Variants in ABAT observed in about 807,000 individuals in gnomAD.
ABAT encodes 4-aminobutyrate aminotransferase.
In ABAT, 45 loss-of-function variants were observed where a neutral mutation model predicts 64.6. That is an observed-to-expected ratio of 0.70 (90% CI 0.55 to 0.89). The LOEUF is 0.89. ABAT is among the 40% of genes least tolerant of loss of function. The pLI, the probability that ABAT is intolerant of heterozygous loss-of-function variation, is 0.00. For missense variants in ABAT, 633 were observed against 658.4 expected (o/e 0.96, Z 0.42); for synonymous variants, 297 against 250.5 (o/e 1.19, Z -1.75).
chr16:8,727,267 C>G (rs2058586459), intron 1 of ABAT, among the ~76,000 whole-genome samples: 1 of 152,128 alleles, frequency 6.6e-6, no homozygotes, highest in Non-Finnish European at 1.5e-5. Context: ...CAAGATCAGC[C>G]TAGAAATTGT....
chr16:8,745,124 A>G (rs974964834), intron 2 of ABAT, among the ~76,000 whole-genome samples: 3 of 152,072 alleles, frequency 2.0e-5, no homozygotes, highest in African/African-American at 7.2e-5. Flanking sequence ...CTGGAACTAA[A>G]GGCATGTACC....
At chr16:8,747,554 A>C (rs1014917032) in intron 3 of ABAT, among the ~76,000 whole-genome samples, 3 of 152,188 alleles carry the variant, frequency 2.0e-5, no homozygotes, top group African/African-American at 4.8e-5. Flanking sequence ...TATTGGAAAT[A>C]TATAATTTTA....
At position 8,776,481 on chromosome 16, in the gene ABAT, G is replaced by T; in HGVS notation, c.1260G>T (p.Leu420=). The change falls in exon 14 of 16, where the codon CTG becomes CTT. Residue 420 remains leucine (L), a synonymous_variant. Transcript: ENST00000268251. The surrounding 1 kb of genome is among the most constrained non-coding windows in gnomAD (Gnocchi z 4.4). ...GGAAGGCCCTGCTCACAGGACTGCT[G>T]GACCTCCAGGTAACACCCCCTCCCC... The part of the protein sequence containing the change: ...HAGKALLTGL[L]DLQARYPQFI... 2 of 1,613,556 alleles carry T rather than the reference G, an allele frequency of 1.2e-6. No homozygotes were observed. The highest frequency in any genetic ancestry group is 2.2e-5 in the South Asian group (2 of 90,948).
At chr16:8,686,121 T>TCCTGCTCCGTG (rs1329465941) in intron 1 of ABAT, among the ~76,000 whole-genome samples, 184 of 152,356 alleles carry the variant, frequency 1.2e-3, no homozygotes, top group African/African-American at 4.2e-3. Flanking sequence ...AGGACAGGGC[T>TCCTGCTCCGTG]GTTTTGTGCA....
At chr16:8,750,850 A>T (rs1252376908) in intron 5 of ABAT, among the ~76,000 whole-genome samples, 1 of 151,410 alleles carries the variant, frequency 6.6e-6, no homozygotes, top group Non-Finnish European at 1.5e-5. Flanking sequence ...TAGAATGCAA[A>T]CCCATCTGTG....
At chr16:8,679,763 G>T (rs2057289361) in intron 1 of ABAT, among the ~76,000 whole-genome samples, 1 of 152,014 alleles carries the variant, frequency 6.6e-6, no homozygotes, top group Non-Finnish European at 1.5e-5. Context: ...ATGCTTAGCA[G>T]GCTGAATCAG....
At position 8,764,168 on chromosome 16, in the gene ABAT, A is replaced by G. The variant is rs2059877314; in HGVS notation, c.447+19A>G. ...GCTCTCGGTGAGTTCTGGAGAAGCA[A>G]TCCCATTGTCTTCAGACGTGGTACT... On this transcript the variant is annotated intron_variant, in intron 7 of 15. Coordinates refer to ENST00000268251, the MANE Select transcript of ABAT (RefSeq NM_020686.6). The surrounding 1 kb of genome is among the most constrained non-coding windows in gnomAD (Gnocchi z 4.2). 1.2e-6 allele frequency: 2 copies of G among 1,606,004 alleles called. No individual in the cohort carries two copies. The highest frequency in any genetic ancestry group is 3.3e-5 in the Admixed American group (2 of 59,974).
At chr16:8,778,551 G>C (rs2060334193) in intron 14 of ABAT, among the ~76,000 whole-genome samples, 1 of 152,154 alleles carries the variant, frequency 6.6e-6, no homozygotes, top group Admixed American at 6.6e-5. Flanking sequence ...AAGGCAGGTG[G>C]ATCACTTGAG....
intron 1 of ABAT, among the ~76,000 whole-genome samples, chr16:8,690,904 T>C (rs1273356): frequency 0.11 from 16,881 of 152,184 alleles, 1,030 homozygotes; most frequent in Middle Eastern, 0.17. Context: ...GCTGTGTTCT[T>C]TGTGGGTTTT....
intron 1 of ABAT, among the ~76,000 whole-genome samples, chr16:8,717,781 A>G (rs974561532): frequency 1.3e-5 from 2 of 152,198 alleles, no homozygotes; most frequent in Non-Finnish European, 2.9e-5. Context: ...TGGAATCAGA[A>G]GGACTAATTT....
At chr16:8,751,272 A>G (rs2059473556) in intron 5 of ABAT, among the ~76,000 whole-genome samples, 1 of 151,438 alleles carries the variant, frequency 6.6e-6, no homozygotes, top group African/African-American at 2.4e-5. Context: ...TTTTGTAGAG[A>G]TGGTGGTCTC....
chr16:8,773,807 T>G (rs1263189350), intron 12 of ABAT, among the ~76,000 whole-genome samples: 4 of 152,256 alleles, frequency 2.6e-5, no homozygotes, highest in Non-Finnish European at 5.9e-5. Context: ...CATGCAATAT[T>G]TGTGTATGTG....
rs2059876768 is a variant in ABAT, at chr16:8,764,154, G to C, written c.447+5G>C. On this transcript the variant is annotated splice_donor_5th_base_variant and intron_variant, in intron 7 of 15. Transcript: ENST00000268251. The surrounding 1 kb of genome is among the most constrained non-coding windows in gnomAD (Gnocchi z 4.2). Reference sequence around the variant, plus strand: ...CTCCGGCAGTCCTTGCTCTCGGTGAGTTCTGGAGAAGCAATCCCATTGTCT... The same window carrying C: ...CTCCGGCAGTCCTTGCTCTCGGTGACTTCTGGAGAAGCAATCCCATTGTCT... 1.2e-6 allele frequency: 2 copies of C among 1,612,492 alleles called. No homozygotes were observed. Among genetic ancestry groups the C allele is most frequent in the Non-Finnish European group, 8.5e-7 (1 of 1,179,486 alleles).
intron 1 of ABAT, among the ~76,000 whole-genome samples, chr16:8,724,043 T>A (rs942890856): frequency 2.0e-5 from 3 of 151,340 alleles, no homozygotes; most frequent in African/African-American, 7.3e-5. Context: ...ATTTCACCAT[T>A]TTGGCCAGGC....
intron 1 of ABAT, among the ~76,000 whole-genome samples, chr16:8,711,641 C>T (rs903450841): frequency 2.0e-5 from 3 of 147,528 alleles, no homozygotes; most frequent in Admixed American, 6.8e-5. Context: ...TTGTGGAAAC[C>T]GTGAGTGTCC....
chr16:8,781,800 G>C lies in ABAT; in HGVS notation c.*370G>C. 1 of 362,572 alleles carries C rather than the reference G, an allele frequency of 2.8e-6. No homozygotes were observed. Among genetic ancestry groups the C allele is most frequent in the Non-Finnish European group, 5.3e-6 (1 of 187,232 alleles). 22.5% of individuals were successfully genotyped at this position (362,572 alleles called of 1,614,324 possible). ...CATTTGTTCCTGGGACTGGCAGCTG[G>C]GCCTCCTGGGTGCCAGTCCATCTCA... On this transcript the variant is annotated 3_prime_UTR_variant, in exon 16 of 16. Transcript: ENST00000268251. The surrounding 1 kb of genome is among the most constrained non-coding windows in gnomAD (Gnocchi z 4.5).
At chr16:8,715,316 G>A (rs985658143) in intron 1 of ABAT, 3 of 152,018 alleles carry the variant, frequency 2.0e-5, no homozygotes, top group African/African-American at 7.2e-5. Flanking sequence ...CCTGGATCAG[G>A]GGAACAGAAA....
At chr16:8,723,846 T>A (rs2058455035) in intron 1 of ABAT, among the ~76,000 whole-genome samples, 1 of 119,020 alleles carries the variant, frequency 8.4e-6, no homozygotes, top group Non-Finnish European at 1.7e-5. Flanking sequence ...TTTTTTTTTT[T>A]TTTTTTTTTT....
At chr16:8,780,775 A>AAG in intron 15 of ABAT, 1 of 190,354 alleles carries the variant, frequency 5.3e-6, no homozygotes, top group Non-Finnish European at 1.1e-5. Context: ...AAAAAAAAAA[A>AAG]AAAAAAGGCA....
Sources: allele counts gnomAD v4.1 joint callset (sites outside exome capture counted in the v4.1 genomes callset), GRCh38; gene constraint gnomAD v4.1.1; non-coding constraint Gnocchi (gnomAD v3.1); transcripts MANE v1.5; gene names NCBI Gene and HGNC (gene_info 2026-07-23, HGNC 2026-07-21).